The following SYT14 variants were observed in gnomAD, a reference collection of about 807,000 sequenced individuals.
SYT14 encodes the protein synaptotagmin-14.
A neutral mutation model predicts 74.2 loss-of-function variants in SYT14; 32 were observed. The ratio of observed to expected loss-of-function variants is 0.43; its 90% confidence interval spans 0.33 to 0.58. SYT14 has a LOEUF of 0.58. SYT14 is among the 20% of genes least tolerant of loss of function. The pLI is 0.05. For synonymous variants in SYT14, 298 were observed against 337.7 expected (o/e 0.88, Z 1.29); for missense variants, 791 against 981.8 (o/e 0.81, Z 2.60).
intron 5 of SYT14, among the ~76,000 whole-genome samples, chr1:210,065,800 T>C (rs1407466471): frequency 3.3e-5 from 5 of 151,984 alleles, no homozygotes; most frequent in Non-Finnish European, 5.9e-5. Flanking sequence ...TATGTATACA[T>C]GTGCCATGTT....
intron 7 of SYT14, among the ~76,000 whole-genome samples, chr1:210,138,782 C>G (rs1462621879): frequency 1.3e-5 from 2 of 152,004 alleles, no homozygotes; most frequent in Non-Finnish European, 2.9e-5. Context: ...CTGTAATGTT[C>G]CCTAACTTTA....
chr1:210,036,864 G>A (rs921450642), intron 5 of SYT14, among the ~76,000 whole-genome samples: 1 of 151,826 alleles, frequency 6.6e-6, no homozygotes, highest in Non-Finnish European at 1.5e-5. Context: ...TGCATCTGTG[G>A]TCATTAGGGA....
At chr1:210,137,869 C>T (rs1178707956) in intron 7 of SYT14, among the ~76,000 whole-genome samples, 4 of 151,950 alleles carry the variant, frequency 2.6e-5, no homozygotes, top group Non-Finnish European at 4.4e-5. Context: ...TTAGTAGAGA[C>T]GGGGTTTCAC....
chr1:210,152,303 T>C (rs1272195590), intron 7 of SYT14, among the ~76,000 whole-genome samples: 4 of 152,226 alleles, frequency 2.6e-5, no homozygotes, highest in South Asian at 2.1e-4. Flanking sequence ...GCTCCAGGTA[T>C]GTATTAATTC....
chr1:209,985,398 A>T (rs780784559), intron 2 of SYT14, among the ~76,000 whole-genome samples: 12 of 152,234 alleles, frequency 7.9e-5, no homozygotes, highest in Non-Finnish European at 1.3e-4. Context: ...CACGTCCTAT[A>T]TTCAGGGCAC....
chr1:210,147,417 T>C lies in SYT14; in HGVS notation c.2035-8304T>C, dbSNP rs1046204519. Among the ~76,000 whole-genome samples, 11 of 152,174 alleles carry C rather than the reference T, an allele frequency of 7.2e-5. 1 individual carries two copies. The South Asian group carries it at 2.3e-3, about 32-fold the overall frequency. ...GAGAAATTAGAAGTTTTAAACAGGA[T>C]TATTAAAACTGAGTCCACACCCATA... On this transcript the variant is annotated intron_variant, in intron 7 of 9. Transcript: ENST00000637265.
At chr1:210,164,515 A>C (rs944188363) in exon 10 of SYT14, 2 of 157,302 alleles carry the variant, frequency 1.3e-5, no homozygotes, top group African/African-American at 4.8e-5. Context: ...AGGTAAAAGA[A>C]TTGAGAGTGT....
intron 5 of SYT14, among the ~76,000 whole-genome samples, chr1:210,075,013 T>A (rs889412118): frequency 6.6e-6 from 1 of 152,200 alleles, no homozygotes; most frequent in Non-Finnish European, 1.5e-5. Context: ...GCTTGGAGAA[T>A]GAGTACAAGG....
At chr1:210,155,970 T>C in intron 8 of SYT14, 60 bp downstream of exon 7, 7 of 1,449,444 alleles carry the variant, frequency 4.8e-6, no homozygotes, top group Non-Finnish European at 6.7e-6. Flanking sequence ...ACTCTCAGTA[T>C]TAGGGAGTTC....
chr1:210,049,568 G>C (rs2080952358), intron 5 of SYT14, among the ~76,000 whole-genome samples: 1 of 151,946 alleles, frequency 6.6e-6, no homozygotes, highest in Non-Finnish European at 1.5e-5. Flanking sequence ...TTCTCCTAAT[G>C]CTATCCCTCC....
chr1:209,990,610 CT>C (rs2079665718), intron 2 of SYT14, among the ~76,000 whole-genome samples: 2 of 67,782 alleles, frequency 3.0e-5, no homozygotes, highest in African/African-American at 7.5e-5. Flanking sequence ...AAGTGTGTTG[CT>C]TTTTCTTATC....
intron 2 of SYT14, among the ~76,000 whole-genome samples, chr1:210,002,266 C>CTTCCTGAGTATTATCCTGAGTATTA (rs2079915065): frequency 6.6e-6 from 1 of 152,084 alleles, no homozygotes; most frequent in African/African-American, 2.4e-5. Flanking sequence ...CCCGTGCACT[C>CTTCCTGAGTATTATCCTGAGTATTA]TTCCTGAGTA....
chr1:210,015,804 C>T (rs1448251800), exon 4 of SYT14: 6 of 1,065,592 alleles, frequency 5.6e-6, no homozygotes, highest in East Asian at 3.6e-5. Context: ...TTTTTTTTTC[C>T]GGAAGAATCT....
intron 1 of SYT14, among the ~76,000 whole-genome samples, chr1:209,948,500 T>C (rs1489883403): frequency 6.6e-6 from 1 of 152,230 alleles, no homozygotes; most frequent in Non-Finnish European, 1.5e-5. Context: ...TCACTTTCTA[T>C]CTGTTTCTCC....
chr1:210,135,901 G>T (rs1320702131), intron 7 of SYT14, among the ~76,000 whole-genome samples: 1 of 152,170 alleles, frequency 6.6e-6, no homozygotes, highest in Non-Finnish European at 1.5e-5. Flanking sequence ...TCTACACTTT[G>T]TTCAGAATGT....
chr1:209,938,781 C>T (rs2078679921), intron 1 of SYT14, among the ~76,000 whole-genome samples: 1 of 152,046 alleles, frequency 6.6e-6, no homozygotes, highest in Admixed American at 6.5e-5. Flanking sequence ...TGTGCCCGCT[C>T]GGGCTGATGC....
intron 5 of SYT14, among the ~76,000 whole-genome samples, chr1:210,050,059 C>T (rs1386850416): frequency 1.3e-5 from 2 of 152,168 alleles, no homozygotes; most frequent in African/African-American, 4.8e-5. Flanking sequence ...AATTTCACCT[C>T]AGAAAATGGG....
chr1:210,107,695 T>C (rs2082184493), intron 7 of SYT14, among the ~76,000 whole-genome samples: 1 of 152,194 alleles, frequency 6.6e-6, no homozygotes, highest in Admixed American at 6.5e-5. Flanking sequence ...TTCATTTTAT[T>C]TCATTTTTTT....
intron 7 of SYT14, among the ~76,000 whole-genome samples, chr1:210,101,521 G>C (rs1308409920): frequency 1.3e-5 from 2 of 152,026 alleles, no homozygotes; most frequent in Non-Finnish European, 2.9e-5. Context: ...ACAAAATGAT[G>C]ATGTAAATAT....
Sources: allele counts gnomAD v4.1 joint callset (sites outside exome capture counted in the v4.1 genomes callset), GRCh38; gene constraint gnomAD v4.1.1; transcripts MANE v1.5; gene names NCBI Gene and HGNC (gene_info 2026-07-23, HGNC 2026-07-21).